Variants in FAM135B observed in about 807,000 individuals in gnomAD.
FAM135B encodes the protein protein FAM135B.
Under a neutral mutation model 127.7 loss-of-function variants are expected in FAM135B, and 43 were observed. The ratio of observed to expected loss-of-function variants is 0.34; its 90% confidence interval spans 0.26 to 0.43. The LOEUF is 0.43. Ranked by LOEUF, FAM135B falls within the 20% of genes least tolerant of loss-of-function variation. FAM135B has a pLI of 1.00. For synonymous variants in FAM135B, 670 were observed against 665.1 expected (o/e 1.01, Z -0.11); for missense variants, 1,558 against 1,725.6 (o/e 0.90, Z 1.72).
intron 7 of FAM135B, among the ~76,000 whole-genome samples, chr8:138,198,311 C>A (rs1398766398): frequency 6.6e-6 from 1 of 152,172 alleles, no homozygotes; most frequent in Non-Finnish European, 1.5e-5. Context: ...AACTGTGAGT[C>A]CATTAAACCT....
intron 3 of FAM135B, among the ~76,000 whole-genome samples, chr8:138,266,610 T>TATATACGTATATACAC (rs1158585476): frequency 3.6e-5 from 3 of 83,870 alleles, no homozygotes; most frequent in Non-Finnish European, 1.0e-4. Flanking sequence ...TGTATATGTA[T>TATATACGTATATACAC]ATATATGTAT....
At chr8:138,237,150 ATTTTTTTTTT>A (rs10604150) in intron 7 of FAM135B, among the ~76,000 whole-genome samples, 6 of 101,320 alleles carry the variant, frequency 5.9e-5, no homozygotes, top group African/African-American at 2.1e-4. Flanking sequence ...TGGATCCTTG[ATTTTTTTTTT>A]TTTTTTTTTT....
Position 138,268,914 on chromosome 8 carries a change from C to T in FAM135B, c.158-3072G>A, listed in dbSNP as rs972303055. ...TTTGTGGGTGTCAGCCTTGGTACCA[C>T]GCATAACAAGAGTTGAAACTTTAAG... On this transcript the variant is annotated intron_variant, in intron 3 of 19. Coordinates refer to ENST00000395297, the MANE Select transcript of FAM135B (RefSeq NM_015912.4). 1.8e-4 allele frequency among the ~76,000 whole-genome samples: 27 copies of T among 151,208 alleles called. No individual in the cohort carries two copies. In the East Asian group the frequency reaches 2.7e-3, roughly 15 times the overall value.
intron 7 of FAM135B, among the ~76,000 whole-genome samples, chr8:138,238,025 G>A (rs1369143761): frequency 6.6e-6 from 1 of 152,084 alleles, no homozygotes; most frequent in Admixed American, 6.6e-5. Flanking sequence ...AGGAGGCCTC[G>A]GGGATGATCA....
At position 138,152,105 on chromosome 8, in the gene FAM135B, C is replaced by T. The variant is rs774733898; in HGVS notation, c.2370G>A (p.Gln790=). 4 of 1,613,782 alleles carry T rather than the reference C, an allele frequency of 2.5e-6. No individual in the cohort carries two copies. Among genetic ancestry groups the T allele is most frequent in the African/African-American group, 2.7e-5 (2 of 74,926 alleles). ...EEAAEDADTK[Q]QDGGFAEPSD... ...AAGGTTCAGCAAAACCTCCATCTTG[C>T]TGCTTGGTGTCCGCATCTTCAGCAG... Residue 790 remains glutamine, a synonymous_variant, in exon 13 of 20, where the codon CAG becomes CAA. Coordinates refer to ENST00000395297, the MANE Select transcript of FAM135B (RefSeq NM_015912.4).
chr8:138,243,086 G>C lies in FAM135B; in HGVS notation c.543-18C>G, dbSNP rs2130388305. Reference sequence around the variant, plus strand: ...GAGTAAAACTAAACAAAAGATAATTGAAAGGGTGAAAAAGGAGGTAAAGAA... The same window carrying C: ...GAGTAAAACTAAACAAAAGATAATTCAAAGGGTGAAAAAGGAGGTAAAGAA... On this transcript the variant is annotated intron_variant, in intron 6 of 19. Coordinates refer to ENST00000395297, the MANE Select transcript of FAM135B (RefSeq NM_015912.4). The surrounding 1 kb of genome is among the most constrained non-coding windows in gnomAD (Gnocchi z 7.5). The C allele has an allele frequency of 6.3e-7, 1 of 1,598,392 alleles. No individual in the cohort carries two copies. The highest frequency in any genetic ancestry group is 1.7e-4 in the Middle Eastern group (1 of 5,768).
At chr8:138,267,119 A>T (rs1823000134) in intron 3 of FAM135B, among the ~76,000 whole-genome samples, 1 of 152,184 alleles carries the variant, frequency 6.6e-6, no homozygotes, top group Non-Finnish European at 1.5e-5. Flanking sequence ...TTGGAGGAGG[A>T]GCCTTCAGGA....
intron 3 of FAM135B, among the ~76,000 whole-genome samples, chr8:138,270,511 T>C (rs1399375556): frequency 1.3e-5 from 2 of 152,206 alleles, no homozygotes; most frequent in Non-Finnish European, 2.9e-5. Flanking sequence ...AAGAGCAATA[T>C]CTTGGTTCAC....
intron 12 of FAM135B, among the ~76,000 whole-genome samples, chr8:138,160,875 A>G (rs1047668478): frequency 6.6e-6 from 1 of 152,206 alleles, no homozygotes; most frequent in Non-Finnish European, 1.5e-5. Flanking sequence ...TGTAAATATC[A>G]AAGCATTTCT....
intron 3 of FAM135B, among the ~76,000 whole-genome samples, chr8:138,274,713 C>A (rs560922845): frequency 1.3e-5 from 2 of 152,284 alleles, no homozygotes; most frequent in South Asian, 2.1e-4. Flanking sequence ...CTACCCCCAG[C>A]TGCACATTCT....
intron 3 of FAM135B, 143 bp downstream of exon 3, chr8:138,310,698 A>G (rs1826619331): frequency 6.0e-6 from 4 of 663,620 alleles, no homozygotes; most frequent in Non-Finnish European, 9.9e-6. Flanking sequence ...GTTGGTTTCC[A>G]TTTCCAAAAT....
At chr8:138,221,087 T>A (rs1347619092) in intron 7 of FAM135B, among the ~76,000 whole-genome samples, 1 of 152,172 alleles carries the variant, frequency 6.6e-6, no homozygotes, top group African/African-American at 2.4e-5. Flanking sequence ...TAGCTGACTC[T>A]TTGTATTAGT....
rs184203279 is a variant in FAM135B at position 138,487,905 on chromosome 8, G to A, written c.-20+8766C>T. ...TGGAATCCCAGCTACTGGGGAGGCC[G>A]AGGCAGGAGAATCGCTTGAACCCGG... On this transcript the variant is annotated intron_variant, in intron 1 of 19. Transcript: ENST00000395297. Among the ~76,000 whole-genome samples, 253 of 152,208 alleles carry A rather than the reference G, an allele frequency of 1.7e-3. 2 individuals are homozygous for A. The highest frequency in any genetic ancestry group is 5.9e-3 in the African/African-American group (243 of 41,524).
chr8:138,300,422 C>A (rs957569215), intron 3 of FAM135B, among the ~76,000 whole-genome samples: 10 of 152,120 alleles, frequency 6.6e-5, no homozygotes, highest in Admixed American at 3.9e-4. Context: ...GAAATAAAAT[C>A]TGTTCCTTTT....
intron 7 of FAM135B, among the ~76,000 whole-genome samples, chr8:138,226,556 T>C (rs932003393): frequency 3.3e-5 from 5 of 151,826 alleles, no homozygotes; most frequent in Non-Finnish European, 5.9e-5. Context: ...GGGCTTTTTG[T>C]GTGTGTTTGT....
At chr8:138,397,858 C>A (rs1452538206) in intron 1 of FAM135B, among the ~76,000 whole-genome samples, 2 of 152,176 alleles carry the variant, frequency 1.3e-5, no homozygotes, top group Non-Finnish European at 2.9e-5. Flanking sequence ...TTGCCCAGGG[C>A]AGCCCTGGTG....
At chr8:138,224,012 T>C (rs1388731718) in intron 7 of FAM135B, among the ~76,000 whole-genome samples, 1 of 151,042 alleles carries the variant, frequency 6.6e-6, no homozygotes, top group Non-Finnish European at 1.5e-5. Flanking sequence ...ATGGTAAGAA[T>C]AGAAACTGGG....
At chr8:138,384,339 A>G (rs1436718646) in intron 1 of FAM135B, among the ~76,000 whole-genome samples, 1 of 147,420 alleles carries the variant, frequency 6.8e-6, no homozygotes, top group Non-Finnish European at 1.5e-5. Context: ...TAGGCCCCAT[A>G]GGCTCCATTT....
Position 138,242,802 on chromosome 8 carries a change from T to C in FAM135B, c.669+140A>G. ...AGCTTGTAGTGATAAAAACAAGGGGTGGGAAGATGGTGAAAGGAAGGGTCA... is the reference window on the plus strand; with the variant it reads ...AGCTTGTAGTGATAAAAACAAGGGGCGGGAAGATGGTGAAAGGAAGGGTCA... On this transcript the variant is annotated intron_variant, in intron 7 of 19. Coordinates refer to ENST00000395297, the MANE Select transcript of FAM135B (RefSeq NM_015912.4). The surrounding 1 kb of genome is among the most constrained non-coding windows in gnomAD (Gnocchi z 9.6). The C allele has an allele frequency of 1.8e-6, 2 of 1,084,860 alleles. No homozygotes were observed. Among genetic ancestry groups the C allele is most frequent in the East Asian group, 2.6e-5 (1 of 37,902 alleles). The allele number at this position is 1,084,860 out of a possible 1,614,324, so 67.2% of individuals were successfully genotyped here.
Sources: allele counts gnomAD v4.1 joint callset (sites outside exome capture counted in the v4.1 genomes callset), GRCh38; gene constraint gnomAD v4.1.1; non-coding constraint Gnocchi (gnomAD v3.1); transcripts MANE v1.5; gene names NCBI Gene and HGNC (gene_info 2026-07-23, HGNC 2026-07-21).